SLC12A7: variants seen among roughly 807,000 people sequenced by gnomAD.
SLC12A7 encodes the protein K-Cl cotransporter 4.
A neutral mutation model predicts 120.6 loss-of-function variants in SLC12A7; 100 were observed. The observed-to-expected ratio is 0.83, with a 90% CI of 0.71 to 0.98. SLC12A7 has a LOEUF of 0.98. SLC12A7 is among the 50% of genes least tolerant of loss of function. SLC12A7 has a pLI of 0.00. For synonymous variants in SLC12A7, 760 were observed against 678.0 expected (o/e 1.12, Z -1.88); for missense variants, 1,373 against 1,548.1 (o/e 0.89, Z 1.90).
chr5:1,124,691 C>A, the SLC12A7 span, among the ~76,000 whole-genome samples: 32 of 152,282 alleles, frequency 2.1e-4, no homozygotes, highest in African/African-American at 7.5e-4. Context: ...TCGCAGCAGA[C>A]CTGGACCATC....
intron 17 of SLC12A7, among the ~76,000 whole-genome samples, chr5:1,067,187 G>A (rs942664733): frequency 6.6e-6 from 1 of 152,216 alleles, no homozygotes; most frequent in African/African-American, 2.4e-5. Flanking sequence ...ACAGGGTGCA[G>A]GGCCAGCAGA....
At chr5:1,138,609 G>A in the SLC12A7 span, among the ~76,000 whole-genome samples, 5 of 152,184 alleles carry the variant, frequency 3.3e-5, no homozygotes, top group Admixed American at 2.6e-4. Flanking sequence ...AAACTGGGGC[G>A]ACTTCAGCTG....
intron 18 of SLC12A7, 112 bp downstream of exon 18, chr5:1,065,171 T>C (rs1322109759): frequency 3.8e-5 from 19 of 500,738 alleles, no homozygotes; most frequent in Middle Eastern, 3.5e-4. Context: ...AAGGGGACAG[T>C]GAGAGGACAG....
At chr5:1,056,546 C>T (rs1043309410) in intron 22 of SLC12A7, 12 of 981,270 alleles carry the variant, frequency 1.2e-5, no homozygotes, top group Non-Finnish European at 1.5e-5. Context: ...GGCAACCGGG[C>T]CCGGAAGGCG....
the SLC12A7 span, among the ~76,000 whole-genome samples, chr5:1,134,734 C>G: frequency 6.6e-6 from 1 of 152,172 alleles, no homozygotes; most frequent in Non-Finnish European, 1.5e-5. Flanking sequence ...TAGAGCAGCA[C>G]TACCCACAAC....
intron 17 of SLC12A7, among the ~76,000 whole-genome samples, chr5:1,068,621 A>G (rs1475542075): frequency 6.6e-6 from 1 of 152,246 alleles, no homozygotes; most frequent in East Asian, 1.9e-4. Context: ...GCTAAGTCAC[A>G]GCCAAAGGCT....
rs144756379 is a variant in SLC12A7, at chr5:1,083,826, C to T, written c.1048G>A (p.Ala350Thr). 63 of 1,609,430 alleles carry T rather than the reference C, an allele frequency of 3.9e-5. No homozygotes were observed. Among genetic ancestry groups the T allele is most frequent in the African/African-American group, 3.5e-4 (26 of 74,978 alleles). ...TGGATGAAGTACTCGTCACAGGCGG[C>T]GCTGGGCTGGGAGCCGTTGCAGAAG... Reference protein sequence around the residue: ...GLFCNGSQPSAACDEYFIQNN... With the variant: ...GLFCNGSQPSTACDEYFIQNN... Residue 350 changes from alanine (A) to threonine (T), a missense_variant, in exon 8 of 24, where the codon GCC (alanine) becomes ACC (threonine). Coordinates refer to ENST00000264930, the MANE Select transcript of SLC12A7 (RefSeq NM_006598.3).
the SLC12A7 span, among the ~76,000 whole-genome samples, chr5:1,136,368 A>G: frequency 1.3e-5 from 2 of 151,634 alleles, no homozygotes; most frequent in African/African-American, 4.9e-5. Context: ...AGACACCAAC[A>G]CCAGGACACG....
At chr5:1,079,133 CCA>C (rs1458820076) in intron 10 of SLC12A7, among the ~76,000 whole-genome samples, 4 of 152,186 alleles carry the variant, frequency 2.6e-5, no homozygotes, top group African/African-American at 9.7e-5. Flanking sequence ...GCGGCACACC[CCA>C]CACACCGCTG....
chr5:1,132,454 C>T, the SLC12A7 span, among the ~76,000 whole-genome samples: 2 of 152,128 alleles, frequency 1.3e-5, no homozygotes, highest in African/African-American at 4.8e-5. Flanking sequence ...TCTATGGACT[C>T]ACCTCCAATT....
chr5:1,084,560 C>T (rs1579388793), intron 7 of SLC12A7, among the ~76,000 whole-genome samples: 2 of 152,328 alleles, frequency 1.3e-5, no homozygotes, highest in Middle Eastern at 3.4e-3. Flanking sequence ...AGGGCCGTAG[C>T]GTCAAGCATC....
Position 1,050,587 on chromosome 5 carries a change from T to C in SLC12A7, c.*1773A>G. 2.9e-6 allele frequency: 1 copy of C among 339,694 alleles called. No individual in the cohort carries two copies. 21.0% of individuals were successfully genotyped at this position (339,694 alleles called of 1,614,324 possible). A position where few individuals can be genotyped will look rare whatever the true frequency, so the allele number is the denominator to read the frequency against. On this transcript the variant is annotated 3_prime_UTR_variant, in exon 24 of 24. Transcript: ENST00000264930. Reference sequence around the variant, plus strand: ...CAGGAGGTGGTTTCGTGTGCAGAACTGAGCGGCCCTCAGAAGCAGGGCTGT... The same window carrying C: ...CAGGAGGTGGTTTCGTGTGCAGAACCGAGCGGCCCTCAGAAGCAGGGCTGT...
chr5:1,134,202 G>A, the SLC12A7 span, among the ~76,000 whole-genome samples: 2 of 152,312 alleles, frequency 1.3e-5, no homozygotes, highest in African/African-American at 4.8e-5. Context: ...GGGCGCGGTG[G>A]CTCATGCCTG....
the SLC12A7 span, among the ~76,000 whole-genome samples, chr5:1,139,025 T>C: frequency 1.3e-5 from 2 of 151,982 alleles, no homozygotes; most frequent in African/African-American, 2.4e-5. Context: ...AAGTCTTGAC[T>C]TTGAAACAGC....
chr5:1,099,632 A>G (rs545336652), intron 1 of SLC12A7, among the ~76,000 whole-genome samples: 5 of 152,220 alleles, frequency 3.3e-5, no homozygotes, highest in African/African-American at 4.8e-5. Context: ...TTTCTGACTT[A>G]TCTCCACATT....
chr5:1,121,816 T>C, the SLC12A7 span, among the ~76,000 whole-genome samples: 2 of 152,182 alleles, frequency 1.3e-5, no homozygotes, highest in African/African-American at 4.8e-5. Context: ...AAGGGGTAAC[T>C]GTGCCCCAGA....
chr5:1,114,759 C>T (rs749825767), upstream of SLC12A7, among the ~76,000 whole-genome samples: 7 of 152,078 alleles, frequency 4.6e-5, no homozygotes, highest in Non-Finnish European at 1.0e-4. Context: ...CTGGCAAGGC[C>T]GGGGGCTCGC....
At chr5:1,117,015 C>G (rs768525458), upstream of SLC12A7, among the ~76,000 whole-genome samples, 1 of 152,160 alleles carries the variant, frequency 6.6e-6, no homozygotes, top group Non-Finnish European at 1.5e-5. This position sits in a 1 kb window ranked among gnomAD's most constrained non-coding sequence, Gnocchi z 4.5. Flanking sequence ...GTTTGGAAGA[C>G]GAGGCCAACC....
intron 22 of SLC12A7, among the ~76,000 whole-genome samples, chr5:1,056,914 G>A (rs976037922): frequency 9.2e-5 from 14 of 152,190 alleles, no homozygotes; most frequent in Non-Finnish European, 1.8e-4. Flanking sequence ...CCTAAGGCCC[G>A]ACAGCAGCCT....
Sources: gnomAD v4.1 joint callset for allele counts (sites outside exome capture counted in the v4.1 genomes callset) on GRCh38, gnomAD v4.1.1 for gene constraint, Gnocchi (gnomAD v3.1) non-coding constraint, MANE v1.5 for transcripts, NCBI Gene and HGNC (gene_info 2026-07-23, HGNC 2026-07-21) for gene names.